The following MTMR7 variants were observed in gnomAD, a reference collection of about 807,000 sequenced individuals.
The protein encoded by MTMR7 is myotubularin related protein 7, also known as phosphatidylinositol-3-phosphate phosphatase MTMR7.
A neutral mutation model predicts 81.2 loss-of-function variants in MTMR7; 76 were observed. The observed-to-expected ratio is 0.94, with a 90% confidence interval of 0.78 to 1.13. The LOEUF is 1.13. Ranked by LOEUF, MTMR7 falls within the 50% of genes most tolerant of loss-of-function variation. The pLI, the probability that MTMR7 is intolerant of heterozygous loss-of-function variation, is 0.00. For synonymous variants in MTMR7, 372 were observed against 289.8 expected (o/e 1.28, Z -2.88); for missense variants, 1,044 against 820.0 (o/e 1.27, Z -3.34).
At position 17,361,208 on chromosome 8, in the gene MTMR7, C is replaced by G. The variant is rs770675454; in HGVS notation, c.377G>C (p.Gly126Ala). Residue 126 changes from glycine to alanine, a missense_variant, in exon 4 of 14, where the codon GGC becomes GCC. Gly to Ala is a moderately conservative substitution (Grantham distance 60). Transcript: ENST00000180173. Reference protein sequence around the residue: ...PMLDKEEREQGWVLIDLSEEY... With the variant: ...PMLDKEEREQAWVLIDLSEEY... ...TTCACTAAGATCGATCAGCACCCAG[C>G]CTTGCTCTCTTTCTTCTTTATCCAG... 2.5e-6 allele frequency: 4 copies of G among 1,614,046 alleles called. No individual in the cohort carries two copies. Among genetic ancestry groups the G allele is most frequent in the African/African-American group, 2.7e-5 (2 of 74,914 alleles).
intron 7 of MTMR7, among the ~76,000 whole-genome samples, chr8:17,319,847 G>A (rs1385446519): frequency 6.6e-6 from 1 of 152,030 alleles, no homozygotes; most frequent in African/African-American, 2.4e-5. Context: ...ACCAATCTTG[G>A]TTCCCAAATA....
chr8:17,311,833 T>C (rs1586157901), intron 8 of MTMR7, 197 bp from the exon 9 acceptor site: 1 of 713,832 alleles, frequency 1.4e-6, no homozygotes. Flanking sequence ...AGCTTTCCCT[T>C]CCCATTCTAT....
chr8:17,306,631 G>A (rs1482216481), intron 10 of MTMR7, among the ~76,000 whole-genome samples: 1 of 152,168 alleles, frequency 6.6e-6, no homozygotes, highest in Non-Finnish European at 1.5e-5. Flanking sequence ...GAATCCAAAA[G>A]GATGTTTTGG....
At chr8:17,307,940 T>A (rs1183613594) in intron 10 of MTMR7, among the ~76,000 whole-genome samples, 1 of 151,930 alleles carries the variant, frequency 6.6e-6, no homozygotes, top group East Asian at 1.9e-4. Flanking sequence ...TAATGCTAAA[T>A]GACGAGTTAA....
chr8:17,361,325 C>A (rs1171019897), intron 3 of MTMR7, 51 bp from the exon 4 acceptor site: 47 of 1,599,732 alleles, frequency 2.9e-5, no homozygotes, highest in Non-Finnish European at 3.6e-5. Flanking sequence ...AAAACCAGAG[C>A]CAAATCTCCC....
chr8:17,398,644 C>T (rs1821330239), intron 1 of MTMR7, among the ~76,000 whole-genome samples: 2 of 151,942 alleles, frequency 1.3e-5, no homozygotes, highest in South Asian at 2.1e-4. Context: ...GTATTCAAAG[C>T]GATAACCACA....
chr8:17,332,200 C>G (rs1391591307), intron 6 of MTMR7, among the ~76,000 whole-genome samples: 1 of 150,260 alleles, frequency 6.7e-6, no homozygotes, highest in African/African-American at 2.5e-5. Context: ...GGCAGAGAAC[C>G]TACACTGAGA....
Position 17,309,317 on chromosome 8 carries a change from CA to C in MTMR7, c.1110del (p.Ile370MetfsTer19). The C allele has an allele frequency of 6.4e-7, 1 of 1,561,218 alleles. No homozygotes were observed. Among genetic ancestry groups the C allele is most frequent in the Non-Finnish European group, 8.8e-7 (1 of 1,132,782 alleles). On this transcript the variant is annotated frameshift_variant, in exon 10 of 14. Transcript: ENST00000180173. LOFTEE classifies it high-confidence loss of function. ...TGACCAAAGGAAATCCAGTCCTTTT[CA>C]ATTAATACCTACACAAGAAAGAATA... ...YRTLKGFMVL[I>X]EKDWISFGHK... is the part of the protein sequence containing the mutation.
At chr8:17,396,809 C>T (rs1227758799) in intron 1 of MTMR7, among the ~76,000 whole-genome samples, 3 of 151,824 alleles carry the variant, frequency 2.0e-5, no homozygotes, top group Admixed American at 2.0e-4. Context: ...CTGGAAGTGA[C>T]TCCTTCCTTC....
chr8:17,319,095 G>A (rs947460268), intron 7 of MTMR7, among the ~76,000 whole-genome samples: 4 of 152,128 alleles, frequency 2.6e-5, no homozygotes, highest in South Asian at 2.1e-4. Flanking sequence ...TGAACCATAC[G>A]TCTGAGTAAT....
intron 1 of MTMR7, among the ~76,000 whole-genome samples, chr8:17,400,544 G>A (rs974784176): frequency 1.6e-4 from 24 of 152,178 alleles, no homozygotes; most frequent in Non-Finnish European, 1.5e-5. Flanking sequence ...TGCCTCTAGA[G>A]TAATGGGCTA....
chr8:17,404,256 G>A (rs1184695944), intron 1 of MTMR7, among the ~76,000 whole-genome samples: 2 of 152,126 alleles, frequency 1.3e-5, no homozygotes, highest in Non-Finnish European at 2.9e-5. Context: ...ATAGATATGG[G>A]AGGAGATAAA....
intron 3 of MTMR7, among the ~76,000 whole-genome samples, chr8:17,365,040 T>G (rs1468163405): frequency 6.6e-6 from 1 of 152,228 alleles, no homozygotes; most frequent in African/African-American, 2.4e-5. Flanking sequence ...CAACAGTGCA[T>G]AAGCATTCTC....
At chr8:17,341,138 C>G (rs1443385013) in intron 6 of MTMR7, among the ~76,000 whole-genome samples, 5 of 152,190 alleles carry the variant, frequency 3.3e-5, no homozygotes, top group African/African-American at 1.2e-4. Flanking sequence ...CAGCACAATG[C>G]TAGGGGCAGG....
intron 4 of MTMR7, chr8:17,349,577 C>T (rs1427576437): frequency 1.9e-5 from 3 of 155,758 alleles, no homozygotes; most frequent in East Asian, 3.8e-4. Flanking sequence ...GATGCCTCCC[C>T]GGACACTCCT....
intron 13 of MTMR7, 110 bp downstream of exon 13, chr8:17,302,044 C>G: frequency 6.9e-7 from 1 of 1,446,848 alleles, no homozygotes; most frequent in South Asian, 1.2e-5. Flanking sequence ...GTTCTACTGA[C>G]TAAAAATGTG....
At chr8:17,314,515 T>C (rs1359850076) in intron 7 of MTMR7, among the ~76,000 whole-genome samples, 1 of 152,112 alleles carries the variant, frequency 6.6e-6, no homozygotes, top group African/African-American at 2.4e-5. Flanking sequence ...TGCATATGGG[T>C]CACATAGCAG....
chr8:17,402,123 T>C (rs967717577), intron 1 of MTMR7, among the ~76,000 whole-genome samples: 1 of 152,088 alleles, frequency 6.6e-6, no homozygotes, highest in African/African-American at 2.4e-5. Flanking sequence ...GAGCACATAG[T>C]AGGTCTATAT....
chr8:17,338,067 C>G (rs957638093), intron 6 of MTMR7, among the ~76,000 whole-genome samples: 2 of 152,224 alleles, frequency 1.3e-5, no homozygotes, highest in African/African-American at 4.8e-5. Context: ...GCCTAACACA[C>G]TCTGGAACAA....
Sources: gnomAD v4.1 joint callset for allele counts (sites outside exome capture counted in the v4.1 genomes callset) on GRCh38, gnomAD v4.1.1 for gene constraint, MANE v1.5 for transcripts, NCBI Gene and HGNC (gene_info 2026-07-23, HGNC 2026-07-21) for gene names.